Variants in LACC1 observed in about 807,000 individuals in gnomAD.
The protein encoded by LACC1 is laccase domain multifunctional purine nucleosidase 1.
LACC1 carries 25 observed loss-of-function variants against 34.8 expected under a neutral mutation model. That is an observed-to-expected ratio of 0.72 (90% CI 0.52 to 1.00). The LOEUF is 1.00. Ranked by LOEUF, LACC1 falls within the 50% of genes least tolerant of loss-of-function variation. The pLI is 0.00. For missense variants in LACC1, 426 were observed against 511.2 expected (o/e 0.83, Z 1.61); for synonymous variants, 162 against 168.0 (o/e 0.96, Z 0.28).
In LACC1 at chr13:43,889,002, A is replaced by G. The variant is rs368275410; in HGVS notation, c.1133+20A>G. 6.5e-7 allele frequency: 1 copy of G among 1,548,676 alleles called. No individual in the cohort carries two copies. The highest frequency in any genetic ancestry group is 1.4e-5 in the African/African-American group (1 of 73,594). On this transcript the variant is annotated intron_variant, in intron 5 of 6. Transcript: ENST00000325686. ...CACAAGGTATGTCTGATTTCATTCAACTGCAAGTTTGATTATTTCTGATTG... is the reference window on the plus strand; with the variant it reads ...CACAAGGTATGTCTGATTTCATTCAGCTGCAAGTTTGATTATTTCTGATTG...
At chr13:43,884,071 A>G (rs1215593743) in intron 4 of LACC1, 135 bp downstream of exon 4, 1 of 613,506 alleles carries the variant, frequency 1.6e-6, no homozygotes, top group African/African-American at 1.8e-5. Flanking sequence ...GAGAGGCGGC[A>G]TAGTTTTATT....
intron 4 of LACC1, among the ~76,000 whole-genome samples, chr13:43,885,877 C>T (rs9533674): frequency 0.091 from 13,862 of 151,788 alleles, 696 homozygotes; most frequent in Middle Eastern, 0.12. Flanking sequence ...GGTCTAACAC[C>T]GAGACTCTAT....
chr13:43,881,081 A>G lies in LACC1; in HGVS notation c.96A>G (p.Gln32=), dbSNP rs774635989. 2.5e-6 allele frequency: 4 copies of G among 1,614,176 alleles called. No individual in the cohort carries two copies. The highest frequency in any genetic ancestry group is 2.2e-5 in the East Asian group (1 of 44,874). ...QTLLKTLNAV[Q]YHHAAKAKFL... ...TACTGAAGACTTTGAATGCTGTCCA[A>G]TACCACCATGCTGCCAAGGCCAAGT... The change falls in exon 2 of 7, where the codon CAA becomes CAG. Residue 32 remains glutamine, a synonymous_variant. Coordinates refer to ENST00000325686, the MANE Select transcript of LACC1 (RefSeq NM_153218.4).
At chr13:43,886,099 A>G (rs1955308823) in intron 4 of LACC1, among the ~76,000 whole-genome samples, 1 of 152,326 alleles carries the variant, frequency 6.6e-6, no homozygotes, top group African/African-American at 2.4e-5. Flanking sequence ...AAAAAGTCAA[A>G]AAACAACAGA....
At position 43,893,034 on chromosome 13, in the gene LACC1, G is replaced by C. The variant is rs773766651; in HGVS notation, c.*1587G>C. The C allele has an allele frequency of 6.6e-6, 1 of 152,158 alleles. No homozygotes were observed. Among genetic ancestry groups the C allele is most frequent in the Non-Finnish European group, 1.5e-5 (1 of 67,926 alleles). 9.4% of individuals were successfully genotyped at this position (152,158 alleles called of 1,614,324 possible). ...GGAAGGGACTTTTTTTGGATGAGCA[G>C]TTTTGAGTGTGTTTGTCAGTTAAAG... On this transcript the variant is annotated 3_prime_UTR_variant, in exon 7 of 7. Transcript: ENST00000325686.
At chr13:43,879,590 C>T (rs920500490), upstream of LACC1, 30 of 152,234 alleles carry the variant, frequency 2.0e-4, no homozygotes, top group African/African-American at 7.0e-4. Context: ...GCGCTGGGCC[C>T]GCCGCGTTCG....
At position 43,882,193 on chromosome 13, in the gene LACC1, A is replaced by G; in HGVS notation, c.571A>G (p.Ile191Val). ...CTGCTTATCTTCAACAGATATTTTCATACATGGATTTACTACAAGAACAGG... is the reference window on the plus strand; with the variant it reads ...CTGCTTATCTTCAACAGATATTTTCGTACATGGATTTACTACAAGAACAGG... ...ITSSLIPDIF[I>V]HGFTTRTGGI... The change falls in exon 3 of 7, where the codon ATA becomes GTA. Residue 191 changes from isoleucine (I) to valine (V), a missense_variant. Around this residue, in one of 2 missense-constraint regions of LACC1, gnomAD observed 209 missense variants for 300.3 expected, o/e 0.70. Transcript: ENST00000325686. The G allele has an allele frequency of 6.3e-7, 1 of 1,597,676 alleles. No homozygotes were observed. Among genetic ancestry groups the G allele is most frequent in the Non-Finnish European group, 8.5e-7 (1 of 1,174,068 alleles).
Position 43,888,752 on chromosome 13 carries a change from A to C in LACC1, c.908-5A>C. The C allele has an allele frequency of 6.2e-7, 1 of 1,609,984 alleles. No individual in the cohort carries two copies. The highest frequency in any genetic ancestry group is 1.7e-5 in the Admixed American group (1 of 59,938). The stretch of plus-strand genomic sequence containing the variant: ...CTCTTATCTCTTTTTATTCCTATTT[A>C]CCAGGTTGGAAAGGTACTTTGTTGG... On this transcript the variant is annotated splice_polypyrimidine_tract_variant and splice_region_variant and intron_variant, in intron 4 of 6. Transcript: ENST00000325686.
At chr13:43,884,101 G>A (rs1244062434) in intron 4 of LACC1, among the ~76,000 whole-genome samples, 165 bp downstream of exon 4, 3 of 152,158 alleles carry the variant, frequency 2.0e-5, no homozygotes, top group African/African-American at 7.2e-5. Context: ...GCTAAGAGGA[G>A]TATCTGCATC....
Position 43,881,402 on chromosome 13 carries a change from G to T in LACC1, c.417G>T (p.Arg139Ser). The change falls in exon 2 of 7, where the codon AGG (arginine) becomes AGT (serine). Residue 139 changes from arginine to serine, a missense_variant. Physicochemically the swap from Arg to Ser is moderately radical, Grantham distance 110 (BLOSUM62 -1). Coordinates refer to ENST00000325686, the MANE Select transcript of LACC1 (RefSeq NM_153218.4). ...FEFEDLQVTFRGGLFKQSIEI... is the reference protein window; with the variant it reads ...FEFEDLQVTFSGGLFKQSIEI... ...TTGAAGATTTGCAAGTGACTTTTAG[G>T]GGAGGGCTTTTTAAACAGTCCATTG... 1 of 1,614,122 alleles carries T rather than the reference G, an allele frequency of 6.2e-7. No individual in the cohort carries two copies.
In LACC1 at chr13:43,890,210, C is replaced by A; in HGVS notation, c.1230C>A (p.Phe410Leu). ...LCTSCHPDKF[F>L]SHVRDGLNFG... The stretch of plus-strand genomic sequence containing the variant: ...CATCTTGCCATCCTGACAAGTTTTT[C>A]TCCCATGTCCGAGATGGCCTTAATT... The change falls in exon 6 of 7, where the codon TTC becomes TTA. Residue 410 changes from phenylalanine (F) to leucine (L), a missense_variant. Around this residue, in one of 2 missense-constraint regions of LACC1, gnomAD observed 209 missense variants for 300.3 expected, o/e 0.70. Transcript: ENST00000325686. 1 of 1,613,806 alleles carries A rather than the reference C, an allele frequency of 6.2e-7. No individual in the cohort carries two copies. Among genetic ancestry groups the A allele is most frequent in the Non-Finnish European group, 8.5e-7 (1 of 1,179,828 alleles).
At chr13:43,880,846 C>A in intron 1 of LACC1, 106 bp from the exon 2 acceptor site, 1 of 715,906 alleles carries the variant, frequency 1.4e-6, no homozygotes, top group Non-Finnish European at 2.2e-6. Flanking sequence ...ATTTTAGTTA[C>A]ATTTTAAAAT....
chr13:43,879,782 G>GTGGGCGAGGTGAGGCGGGGCGAGC (rs1954856180), upstream of LACC1: 1 of 115,242 alleles, frequency 8.7e-6, no homozygotes, highest in Non-Finnish European at 2.0e-5. Context: ...GCGAGGTGAG[G>GTGGGCGAGGTGAGGCGGGGCGAGC]CGGGGCGAGG....
Position 43,893,029 on chromosome 13 carries a change from G to A in LACC1, c.*1582G>A, listed in dbSNP as rs768999005. On this transcript the variant is annotated 3_prime_UTR_variant, in exon 7 of 7. Transcript: ENST00000325686. ...TTCAAGGAAGGGACTTTTTTTGGATGAGCAGTTTTGAGTGTGTTTGTCAGT... is the reference window on the plus strand; with the variant it reads ...TTCAAGGAAGGGACTTTTTTTGGATAAGCAGTTTTGAGTGTGTTTGTCAGT... 8 of 152,186 alleles carry A rather than the reference G, an allele frequency of 5.3e-5. No homozygotes were observed. Among genetic ancestry groups the A allele is most frequent in the Non-Finnish European group, 1.2e-4 (8 of 67,932 alleles). The allele number at this position is 152,186 out of a possible 1,614,324, so 9.4% of individuals were successfully genotyped here. A position where few individuals can be genotyped will look rare whatever the true frequency, so the allele number is the denominator to read the frequency against.
At chr13:43,886,652 A>G (rs999134783) in intron 4 of LACC1, among the ~76,000 whole-genome samples, 3 of 152,272 alleles carry the variant, frequency 2.0e-5, no homozygotes, top group East Asian at 3.9e-4. Flanking sequence ...GTTCGGTACT[A>G]TGTCCACTAC....
chr13:43,883,871 G>T lies in LACC1; in HGVS notation c.842G>T (p.Gly281Val), dbSNP rs767543008. The change falls in exon 4 of 7, where the codon GGT (glycine) becomes GTT (valine). Residue 281 changes from glycine (G) to valine (V), a missense_variant. Coordinates refer to ENST00000325686, the MANE Select transcript of LACC1 (RefSeq NM_153218.4). ...NQRGVTIAAL[G>V]ADCIPIVFAD... The stretch of plus-strand genomic sequence containing the variant: ...AGAGGAGTCACAATAGCAGCTCTTG[G>T]TGCAGACTGTATACCGATAGTTTTT... 1 of 1,613,668 alleles carries T rather than the reference G, an allele frequency of 6.2e-7. No homozygotes were observed. Among genetic ancestry groups the T allele is most frequent in the Non-Finnish European group, 8.5e-7 (1 of 1,179,688 alleles).
chr13:43,888,466 A>G (rs564965880), intron 4 of LACC1, among the ~76,000 whole-genome samples: 44 of 152,256 alleles, frequency 2.9e-4, no homozygotes, highest in African/African-American at 7.7e-4. Context: ...TTTAACCACA[A>G]TCTTTTAAAA....
chr13:43,886,658 A>G (rs1431191925), intron 4 of LACC1, among the ~76,000 whole-genome samples: 1 of 152,170 alleles, frequency 6.6e-6, no homozygotes, highest in African/African-American at 2.4e-5. Flanking sequence ...TACTATGTCC[A>G]CTACTTGGGT....
intron 1 of LACC1, 115 bp downstream of exon 1, chr13:43,880,234 CGAGAGATGGG>C (rs1296711467): frequency 6.6e-6 from 1 of 151,272 alleles, no homozygotes; most frequent in African/African-American, 2.4e-5. Context: ...GAGGGAGCCC[CGAGAGATGGG>C]GAGCAAAGGT....
Sources: gnomAD v4.1 joint callset for allele counts (sites outside exome capture counted in the v4.1 genomes callset) on GRCh38, gnomAD v4.1.1 for gene constraint, gnomAD v4.1.1 regional missense constraint, MANE v1.5 for transcripts, NCBI Gene and HGNC (gene_info 2026-07-23, HGNC 2026-07-21) for gene names.